Variants in ARIH1 observed in about 807,000 individuals in gnomAD.
ARIH1 encodes the protein ariadne RBR E3 ubiquitin protein ligase 1, also known as E3 ubiquitin-protein ligase ARIH1.
Under a neutral mutation model 85.0 loss-of-function variants are expected in ARIH1, and 8 were observed. The ratio of observed to expected loss-of-function variants is 0.09; its 90% confidence interval spans 0.06 to 0.17. ARIH1 has a LOEUF of 0.17. ARIH1 is among the 10% of genes least tolerant of loss of function. ARIH1 has a pLI of 1.00. For missense variants in ARIH1, 311 were observed against 718.1 expected (o/e 0.43, Z 6.48); for synonymous variants, 238 against 253.6 (o/e 0.94, Z 0.59).
intron 2 of ARIH1, among the ~76,000 whole-genome samples, chr15:72,531,121 T>C (rs954327796): frequency 5.9e-5 from 9 of 152,202 alleles, no homozygotes; most frequent in Non-Finnish European, 1.2e-4. Context: ...TTTCAATTAT[T>C]GACACCTTAC....
In ARIH1 at chr15:72,596,274, A is replaced by G. The variant is rs953457404; in HGVS notation, c.*12982A>G. On this transcript the variant is annotated 3_prime_UTR_variant, in exon 14 of 14. Transcript: ENST00000379887. Reference sequence around the variant, plus strand: ...ATTTCTTCTTTCAGTACTTTAAAGAAGTTATTTTATTGTACTCAGGCCTCA... The same window carrying G: ...ATTTCTTCTTTCAGTACTTTAAAGAGGTTATTTTATTGTACTCAGGCCTCA... The G allele has an allele frequency of 3.3e-5, 5 of 152,186 alleles. No individual in the cohort carries two copies. Among genetic ancestry groups the G allele is most frequent in the Non-Finnish European group, 7.4e-5 (5 of 68,020 alleles). The allele number at this position is 152,186 out of a possible 1,614,324, so 9.4% of individuals were successfully genotyped here.
chr15:72,561,620 T>C lies in ARIH1; in HGVS notation c.804+71T>C, dbSNP rs556535430. ...AATAGAAATACTATTTTAAAAATTA[T>C]AATTTATTGACAGTAAAAAACATCT... On this transcript the variant is annotated intron_variant, in intron 6 of 13. Coordinates refer to ENST00000379887, the MANE Select transcript of ARIH1 (RefSeq NM_005744.5). 1.4e-5 allele frequency: 13 copies of C among 919,150 alleles called. No individual in the cohort carries two copies. In the East Asian group the frequency reaches 1.9e-4, roughly 14 times the overall value. The allele number at this position is 919,150 out of a possible 1,614,324, so 56.9% of individuals were successfully genotyped here. A position where few individuals can be genotyped will look rare whatever the true frequency, so the allele number is the denominator to read the frequency against.
At chr15:72,576,977 G>A (rs1168876871) in intron 11 of ARIH1, among the ~76,000 whole-genome samples, 3 of 151,088 alleles carry the variant, frequency 2.0e-5, no homozygotes, top group Non-Finnish European at 3.0e-5. Flanking sequence ...ATTATACTGT[G>A]TGCTTTTTTT....
At chr15:72,481,846 CT>C (rs1013007372) in intron 1 of ARIH1, among the ~76,000 whole-genome samples, 1 of 151,890 alleles carries the variant, frequency 6.6e-6, no homozygotes, top group African/African-American at 2.4e-5. Flanking sequence ...CTTTTCTTTT[CT>C]TTTTTGGAGA....
chr15:72,578,532 G>A (rs551879548), intron 11 of ARIH1, among the ~76,000 whole-genome samples: 12 of 151,956 alleles, frequency 7.9e-5, no homozygotes, highest in South Asian at 2.1e-4. Flanking sequence ...ATATTTTATC[G>A]TAGTAAATCA....
chr15:72,580,961 C>G lies in ARIH1; in HGVS notation c.1446C>G (p.Leu482=). The G allele has an allele frequency of 6.2e-7, 1 of 1,613,924 alleles. No homozygotes were observed. Among genetic ancestry groups the G allele is most frequent in the Non-Finnish European group, 8.5e-7 (1 of 1,179,914 alleles). Residue 482 remains leucine (L), a synonymous_variant, in exon 12 of 14, where the codon CTC becomes CTG. Coordinates refer to ENST00000379887, the MANE Select transcript of ARIH1 (RefSeq NM_005744.5). ...ACACTTATGTCTTCGCTTTCTACCT[C>G]AAAAAGAATAACCAGTCCATTATCT... is the stretch of plus-strand genomic sequence containing the variant. The part of the protein sequence containing the change: ...LMYTYVFAFY[L]KKNNQSIIFE...
At chr15:72,551,992 C>T (rs1211009489) in intron 3 of ARIH1, among the ~76,000 whole-genome samples, 10 of 152,118 alleles carry the variant, frequency 6.6e-5, no homozygotes, top group African/African-American at 2.2e-4. Flanking sequence ...TTGTCATGGG[C>T]ATGAGAAATC....
In ARIH1 at chr15:72,597,163, C is replaced by A. The variant is rs1406974489; in HGVS notation, c.*13871C>A. On this transcript the variant is annotated 3_prime_UTR_variant, in exon 14 of 14. Coordinates refer to ENST00000379887, the MANE Select transcript of ARIH1 (RefSeq NM_005744.5). ...TGTTTACTTCCAAAACAGAGCATGC[C>A]CTTTGTTTTTTTTTCAGGCCACTTG... The A allele has an allele frequency of 5.2e-5, 1 of 19,152 alleles. No individual in the cohort carries two copies. Among genetic ancestry groups the A allele is most frequent in the African/African-American group, 1.3e-4 (1 of 7,414 alleles). The allele number at this position is 19,152 out of a possible 1,614,324, so 1.2% of individuals were successfully genotyped here.
intron 1 of ARIH1, among the ~76,000 whole-genome samples, chr15:72,478,717 T>C (rs2063803887): frequency 6.6e-6 from 1 of 152,226 alleles, no homozygotes; most frequent in African/African-American, 2.4e-5. Context: ...TTTAGCCTTC[T>C]AGTGATAACC....
chr15:72,564,841 C>T (rs896416056), intron 7 of ARIH1, among the ~76,000 whole-genome samples: 3 of 152,104 alleles, frequency 2.0e-5, no homozygotes, highest in Non-Finnish European at 2.9e-5. Flanking sequence ...AGGCAGCTCT[C>T]TGGGCCCCTT....
chr15:72,484,499 T>C (rs1049392448), intron 1 of ARIH1, among the ~76,000 whole-genome samples: 1 of 151,974 alleles, frequency 6.6e-6, no homozygotes, highest in African/African-American at 2.4e-5. Flanking sequence ...CTCCCACTTA[T>C]GAGTGAGAAC....
rs1371275063 is a variant in ARIH1, at chr15:72,588,194, G to A, written c.*4902G>A. 7 of 152,146 alleles carry A rather than the reference G, an allele frequency of 4.6e-5. No homozygotes were observed. The highest frequency in any genetic ancestry group is 8.8e-5 in the Non-Finnish European group (6 of 68,028). 9.4% of individuals were successfully genotyped at this position (152,146 alleles called of 1,614,324 possible). Reference sequence around the variant, plus strand: ...GTACCCTGGAGTAGATGGGCTCTGAGAGGAGCCTGTGAAATCCAGACTTCA... The same window carrying A: ...GTACCCTGGAGTAGATGGGCTCTGAAAGGAGCCTGTGAAATCCAGACTTCA... On this transcript the variant is annotated 3_prime_UTR_variant, in exon 14 of 14. Coordinates refer to ENST00000379887, the MANE Select transcript of ARIH1 (RefSeq NM_005744.5).
intron 1 of ARIH1, among the ~76,000 whole-genome samples, chr15:72,498,592 C>G (rs1321773031): frequency 6.6e-6 from 1 of 152,202 alleles, no homozygotes; most frequent in Non-Finnish European, 1.5e-5. Context: ...CGCCTGTGAT[C>G]CCAGCACTTA....
chr15:72,502,743 T>C (rs754918855), intron 1 of ARIH1, among the ~76,000 whole-genome samples: 1 of 152,090 alleles, frequency 6.6e-6, no homozygotes, highest in Non-Finnish European at 1.5e-5. Context: ...GAGGCAGAAG[T>C]TGCAGTGAGC....
intron 3 of ARIH1, among the ~76,000 whole-genome samples, chr15:72,554,513 A>T (rs1437765219): frequency 6.6e-6 from 1 of 151,972 alleles, no homozygotes; most frequent in Non-Finnish European, 1.5e-5. Context: ...AGCTCCCCTG[A>T]GTAGCTGGGA....
chr15:72,520,591 T>G (rs1477973093), intron 2 of ARIH1, among the ~76,000 whole-genome samples: 3 of 152,180 alleles, frequency 2.0e-5, no homozygotes, highest in African/African-American at 7.2e-5. Context: ...ATGTTTTCTG[T>G]TCGCTTATTC....
rs566912333 is a variant in ARIH1 at position 72,559,207 on chromosome 15, CATAA to C, written c.738-2271_738-2268del. Among the ~76,000 whole-genome samples, 43 of 152,218 alleles carry C rather than the reference CATAA, an allele frequency of 2.8e-4. No homozygotes were observed. The South Asian group carries it at 7.5e-3, about 26-fold the overall frequency. On this transcript the variant is annotated intron_variant, in intron 5 of 13. Transcript: ENST00000379887. ...GATCCCTGTTTGGTTGAAAAATATT[CATAA>C]ATAAGTGGACCCATGCAGTTCAAAC...
chr15:72,494,507 T>C (rs980125388), intron 1 of ARIH1, among the ~76,000 whole-genome samples: 5 of 152,160 alleles, frequency 3.3e-5, no homozygotes, highest in Non-Finnish European at 2.9e-5. Context: ...CTGAAATTAC[T>C]GGGAAGTAGA....
At position 72,491,688 on chromosome 15, in the gene ARIH1, A is replaced by G. The variant is rs182391569; in HGVS notation, c.375+16674A>G. ...ATTAACCCTTCCCTCATTCTCTAAC[A>G]TACTACTTTTTGCTCTTAACCAGTT... On this transcript the variant is annotated intron_variant, in intron 1 of 13. Coordinates refer to ENST00000379887, the MANE Select transcript of ARIH1 (RefSeq NM_005744.5). 2.0e-5 allele frequency among the ~76,000 whole-genome samples: 3 copies of G among 152,320 alleles called. No individual in the cohort carries two copies. In the East Asian group the frequency reaches 5.8e-4, roughly 29 times the overall value.
Sources: gnomAD v4.1 joint callset for allele counts (sites outside exome capture counted in the v4.1 genomes callset) on GRCh38, gnomAD v4.1.1 for gene constraint, MANE v1.5 for transcripts, NCBI Gene and HGNC (gene_info 2026-07-23, HGNC 2026-07-21) for gene names.